Variants in MAP7 observed in about 807,000 individuals in gnomAD.
The protein encoded by MAP7 is ensconsin.
MAP7 carries 52 observed loss-of-function variants against 94.8 expected under a neutral mutation model. The observed-to-expected ratio is 0.55, with a 90% CI of 0.44 to 0.69. MAP7 has a LOEUF of 0.69. Among genes scored for constraint, MAP7 ranks in the 30% least tolerant of loss-of-function variants. The pLI is 0.00. For synonymous variants in MAP7, 350 were observed against 357.0 expected (o/e 0.98, Z 0.22); for missense variants, 940 against 964.6 (o/e 0.97, Z 0.34).
At position 136,345,907 on chromosome 6, in the gene MAP7, T is replaced by A; in HGVS notation, c.2188A>T (p.Thr730Ser). The change falls in exon 17 of 18, where the codon ACA (threonine) becomes TCA (serine). Residue 730 changes from threonine to serine, a missense_variant. Transcript: ENST00000354570. ...NPILAFDDEG[T>S]LGPLPQVDGV... is the part of the protein sequence containing the mutation. Reference sequence around the variant, plus strand: ...TCTACCTGAGGCAGGGGCCCAAGTGTCCCTTCATCATCAAAGGCCAAAATT... The same window carrying A: ...TCTACCTGAGGCAGGGGCCCAAGTGACCCTTCATCATCAAAGGCCAAAATT... The A allele has an allele frequency of 6.2e-7, 1 of 1,614,140 alleles. No homozygotes were observed. Among genetic ancestry groups the A allele is most frequent in the African/African-American group, 1.3e-5 (1 of 75,034 alleles).
intron 3 of MAP7, among the ~76,000 whole-genome samples, chr6:136,411,171 AAG>A (rs1787323916): frequency 1.3e-5 from 2 of 152,332 alleles, no homozygotes; most frequent in African/African-American, 4.8e-5. Flanking sequence ...CTTGGGTAAT[AAG>A]AGAAAAATCA....
chr6:136,366,199 C>G, intron 9 of MAP7, 128 bp downstream of exon 9: 1 of 1,055,484 alleles, frequency 9.5e-7, no homozygotes, highest in Non-Finnish European at 1.4e-6. Flanking sequence ...TTTTTCTTTC[C>G]TTTTGGGAAG....
At chr6:136,412,486 A>G (rs1254056666) in intron 2 of MAP7, among the ~76,000 whole-genome samples, 1 of 152,238 alleles carries the variant, frequency 6.6e-6, no homozygotes, top group Non-Finnish European at 1.5e-5. Context: ...GGAGACAACA[A>G]GGAAATGAAG....
intron 1 of MAP7, among the ~76,000 whole-genome samples, chr6:136,515,132 T>G (rs1383005694): frequency 6.6e-6 from 1 of 152,234 alleles, no homozygotes; most frequent in Non-Finnish European, 1.5e-5. Flanking sequence ...TTTTATGTTA[T>G]GGAGACACTT....
intron 3 of MAP7, among the ~76,000 whole-genome samples, chr6:136,403,697 G>A (rs1784801297): frequency 6.6e-6 from 1 of 152,164 alleles, no homozygotes; most frequent in Non-Finnish European, 1.5e-5. Flanking sequence ...TAAAGGCAAA[G>A]TAATTTGGGG....
At chr6:136,355,459 A>G (rs1325048633) in intron 16 of MAP7, among the ~76,000 whole-genome samples, 1 of 152,182 alleles carries the variant, frequency 6.6e-6, no homozygotes, top group Non-Finnish European at 1.5e-5. Context: ...GTATTATAGT[A>G]GGCAAAAAAT....
chr6:136,465,690 A>G (rs887410762), intron 1 of MAP7, among the ~76,000 whole-genome samples: 1 of 152,194 alleles, frequency 6.6e-6, no homozygotes, highest in Non-Finnish European at 1.5e-5. Flanking sequence ...TGTCAGAGCT[A>G]AAAGACAAAT....
chr6:136,538,610 T>C (rs549545696), intron 1 of MAP7, among the ~76,000 whole-genome samples: 2 of 151,682 alleles, frequency 1.3e-5, no homozygotes, highest in Admixed American at 6.6e-5. Context: ...ACACCCTGTC[T>C]CTACAAAAAG....
At chr6:136,529,618 G>T (rs1828311038) in intron 1 of MAP7, among the ~76,000 whole-genome samples, 2 of 152,176 alleles carry the variant, frequency 1.3e-5, no homozygotes, top group African/African-American at 4.8e-5. Flanking sequence ...TAGAGGCTTT[G>T]TACAAATTTG....
In MAP7 at chr6:136,540,891, C is replaced by G. The variant is rs183532314; in HGVS notation, c.67+9451G>C. Among the ~76,000 whole-genome samples the G allele has an allele frequency of 2.4e-4, 36 of 152,310 alleles. No homozygotes were observed. The East Asian group carries it at 6.2e-3, about 26-fold the overall frequency. ...ATGGTCCCCAGGTGATTTTTAATCA[C>G]TGCCAAGATTGAGAGCCAATGATGT... is the stretch of plus-strand genomic sequence containing the variant. On this transcript the variant is annotated intron_variant, in intron 1 of 17. Transcript: ENST00000354570.
intron 2 of MAP7, among the ~76,000 whole-genome samples, chr6:136,417,372 A>G (rs1789836698): frequency 6.6e-6 from 1 of 152,218 alleles, no homozygotes; most frequent in Non-Finnish European, 1.5e-5. Flanking sequence ...GATAACATGC[A>G]TAAACCTGGA....
intron 16 of MAP7, among the ~76,000 whole-genome samples, chr6:136,352,227 G>GC (rs1489855696): frequency 1.4e-5 from 2 of 141,932 alleles, no homozygotes; most frequent in Non-Finnish European, 3.0e-5. Flanking sequence ...CCACTCTGTT[G>GC]CCCAGGGTGG....
At chr6:136,359,044 T>G (rs1212664947) in intron 15 of MAP7, among the ~76,000 whole-genome samples, 1 of 152,184 alleles carries the variant, frequency 6.6e-6, no homozygotes, top group Non-Finnish European at 1.5e-5. Flanking sequence ...AAGGCAGCAG[T>G]AGGAATTATG....
chr6:136,376,603 G>A (rs1033479680), intron 7 of MAP7, among the ~76,000 whole-genome samples: 18 of 152,202 alleles, frequency 1.2e-4, no homozygotes, highest in Non-Finnish European at 2.2e-4. Flanking sequence ...CTAGTTGACT[G>A]CACATTTGCA....
intron 3 of MAP7, among the ~76,000 whole-genome samples, chr6:136,390,027 C>G (rs1780258080): frequency 6.6e-6 from 1 of 152,108 alleles, no homozygotes; most frequent in South Asian, 2.1e-4. Context: ...ATGGGAAGGA[C>G]CGAACAAGCA....
chr6:136,480,015 A>G (rs1435069181), intron 1 of MAP7, among the ~76,000 whole-genome samples: 1 of 152,236 alleles, frequency 6.6e-6, no homozygotes, highest in Non-Finnish European at 1.5e-5. Context: ...ATTTGGAACC[A>G]CAAAAGACCC....
chr6:136,524,219 G>A (rs1399638489), intron 1 of MAP7, among the ~76,000 whole-genome samples: 1 of 151,998 alleles, frequency 6.6e-6, no homozygotes, highest in African/African-American at 2.4e-5. Context: ...ACTCCAGCCT[G>A]GGCAACAGAG....
At chr6:136,453,567 C>T (rs969187537) in intron 1 of MAP7, among the ~76,000 whole-genome samples, 3 of 152,128 alleles carry the variant, frequency 2.0e-5, no homozygotes, top group Admixed American at 6.5e-5. Flanking sequence ...CTTTCCCTAA[C>T]GAGTGAGGAG....
At chr6:136,378,554 G>C (rs567616639) in intron 6 of MAP7, among the ~76,000 whole-genome samples, 37 of 152,256 alleles carry the variant, frequency 2.4e-4, no homozygotes, top group African/African-American at 8.2e-4. Flanking sequence ...CAAGGCTAAG[G>C]CTGAAGCAAG....
Sources: allele counts gnomAD v4.1 joint callset (sites outside exome capture counted in the v4.1 genomes callset), GRCh38; gene constraint gnomAD v4.1.1; transcripts MANE v1.5; gene names NCBI Gene and HGNC (gene_info 2026-07-23, HGNC 2026-07-21).